The following CSMD1 variants were observed in gnomAD, a reference collection of about 807,000 sequenced individuals.
The protein encoded by CSMD1 is CUB and sushi domain-containing protein 1.
CSMD1 carries 213 observed loss-of-function variants against 417.5 expected under a neutral mutation model. The observed-to-expected ratio is 0.51, with a 90% CI of 0.46 to 0.57. The LOEUF is 0.57. Among genes scored for constraint, CSMD1 ranks in the 20% least tolerant of loss-of-function variants. The pLI, the probability that CSMD1 is intolerant of heterozygous loss-of-function variation, is 0.00. For missense variants in CSMD1, 6,923 were observed against 4,529.7 expected (o/e 1.53, Z -15.17); for synonymous variants, 2,862 against 1,736.8 (o/e 1.65, Z -16.11).
intron 1 of CSMD1, among the ~76,000 whole-genome samples, chr8:4,841,865 C>T (rs1800853519): frequency 7.5e-6 from 1 of 133,618 alleles, no homozygotes. Context: ...GAGCCGAGAT[C>T]GCACCGTTGC....
intron 3 of CSMD1, among the ~76,000 whole-genome samples, chr8:4,313,993 A>G (rs1798776988): frequency 6.6e-6 from 1 of 151,590 alleles, no homozygotes; most frequent in South Asian, 2.1e-4. Context: ...CAGCCTGGGC[A>G]ACAAAGTGAG....
At chr8:4,916,722 T>G (rs1806089636) in intron 1 of CSMD1, among the ~76,000 whole-genome samples, 1 of 152,216 alleles carries the variant, frequency 6.6e-6, no homozygotes, top group African/African-American at 2.4e-5. Context: ...ATAACTATTG[T>G]GATATCGCAA....
intron 1 of CSMD1, among the ~76,000 whole-genome samples, chr8:4,773,909 C>G (rs1017534630): frequency 6.6e-6 from 1 of 152,226 alleles, no homozygotes; most frequent in South Asian, 2.1e-4. Context: ...AAAAATCCTA[C>G]TCTTGGCTGG....
At chr8:3,215,319 G>C (rs1204542205) in intron 29 of CSMD1, among the ~76,000 whole-genome samples, 3 of 152,312 alleles carry the variant, frequency 2.0e-5, no homozygotes, top group African/African-American at 7.2e-5. Context: ...TTGACTGATA[G>C]ATGATGGTCA....
intron 3 of CSMD1, among the ~76,000 whole-genome samples, chr8:4,231,372 C>T (rs569595541): frequency 2.6e-5 from 4 of 152,264 alleles, no homozygotes; most frequent in South Asian, 4.1e-4. Context: ...TAATTTTCCT[C>T]CTCTGAGAGA....
intron 2 of CSMD1, among the ~76,000 whole-genome samples, chr8:4,625,217 C>A (rs1802027192): frequency 6.6e-6 from 1 of 152,052 alleles, no homozygotes; most frequent in Admixed American, 6.6e-5. Context: ...ACAGCACGTT[C>A]TCACCTTCCA....
At chr8:3,882,553 G>C (rs1806277289) in intron 5 of CSMD1, among the ~76,000 whole-genome samples, 1 of 152,106 alleles carries the variant, frequency 6.6e-6, no homozygotes, top group Non-Finnish European at 1.5e-5. Flanking sequence ...CGCATCCTTA[G>C]GCATATACCC....
chr8:4,842,722 A>G (rs1477605308), intron 1 of CSMD1, among the ~76,000 whole-genome samples: 1 of 152,246 alleles, frequency 6.6e-6, no homozygotes, highest in East Asian at 1.9e-4. Flanking sequence ...TACTAGAACA[A>G]AAGAGTTTTT....
intron 2 of CSMD1, among the ~76,000 whole-genome samples, chr8:4,566,550 G>A (rs1041561437): frequency 6.6e-6 from 1 of 150,768 alleles, no homozygotes; most frequent in Non-Finnish European, 1.5e-5. Context: ...CTACTCGGGA[G>A]GCTGAGGCAG....
At chr8:4,896,956 T>G (rs954408058) in intron 1 of CSMD1, among the ~76,000 whole-genome samples, 20 of 152,108 alleles carry the variant, frequency 1.3e-4, no homozygotes, top group African/African-American at 4.8e-4. Flanking sequence ...AAGGAAGGGC[T>G]CTCCATTTAC....
At chr8:4,456,133 G>A (rs1208537299) in intron 2 of CSMD1, among the ~76,000 whole-genome samples, 1 of 150,144 alleles carries the variant, frequency 6.7e-6, no homozygotes, top group Non-Finnish European at 1.5e-5. Flanking sequence ...TATGCCAAAT[G>A]CTGAGAGGGT....
intron 1 of CSMD1, among the ~76,000 whole-genome samples, chr8:4,943,876 C>T (rs942256027): frequency 6.6e-6 from 1 of 152,116 alleles, no homozygotes. Context: ...AGTGTAAGAG[C>T]CCAAAACGCT....
intron 1 of CSMD1, among the ~76,000 whole-genome samples, chr8:4,672,531 G>A (rs1805393905): frequency 6.6e-6 from 1 of 152,182 alleles, no homozygotes; most frequent in Non-Finnish European, 1.5e-5. Context: ...GGTGAAATAT[G>A]CACCTATAAT....
intron 5 of CSMD1, among the ~76,000 whole-genome samples, chr8:3,875,469 C>G (rs529797168): frequency 6.6e-6 from 1 of 151,966 alleles, no homozygotes; most frequent in African/African-American, 2.4e-5. Flanking sequence ...TGGAAAAGCC[C>G]GAACTGGGTT....
intron 2 of CSMD1, among the ~76,000 whole-genome samples, chr8:4,576,131 T>C (rs969913730): frequency 1.3e-5 from 2 of 152,204 alleles, no homozygotes; most frequent in African/African-American, 4.8e-5. Context: ...CTATCCCTCT[T>C]AGAATAATTG....
intron 3 of CSMD1, among the ~76,000 whole-genome samples, chr8:4,052,384 T>C (rs957981913): frequency 6.6e-6 from 1 of 152,204 alleles, no homozygotes; most frequent in Non-Finnish European, 1.5e-5. Flanking sequence ...TATAATATAA[T>C]TGGCAAAGAC....
chr8:3,947,899 AGTCCTG>A (rs1285577649), intron 5 of CSMD1, among the ~76,000 whole-genome samples: 33 of 152,324 alleles, frequency 2.2e-4, no homozygotes, highest in African/African-American at 7.5e-4. Context: ...ATTAGTTAAA[AGTCCTG>A]TTAAAATCTC....
intron 1 of CSMD1, among the ~76,000 whole-genome samples, chr8:4,660,145 T>A: frequency 1.3e-5 from 2 of 149,388 alleles, no homozygotes. Flanking sequence ...GAAATAAAAT[T>A]TATATACATC....
At chr8:3,239,179 A>G (rs574003773) in intron 26 of CSMD1, among the ~76,000 whole-genome samples, 4 of 152,324 alleles carry the variant, frequency 2.6e-5, no homozygotes, top group African/African-American at 9.6e-5. Context: ...AAAGACCATT[A>G]GTCCGTTTTA....
Sources: allele counts gnomAD v4.1 joint callset (sites outside exome capture counted in the v4.1 genomes callset), GRCh38; gene constraint gnomAD v4.1.1; transcripts MANE v1.5; gene names NCBI Gene and HGNC (gene_info 2026-07-23, HGNC 2026-07-21).